Variants in RAD23B observed in about 807,000 individuals in gnomAD.
RAD23B encodes the protein lysine-specific demethylase RAD23B.
RAD23B carries 5 observed loss-of-function variants against 49.1 expected under a neutral mutation model. The ratio of observed to expected loss-of-function variants is 0.10; its 90% confidence interval spans 0.05 to 0.21. RAD23B has a LOEUF of 0.21. RAD23B is among the 10% of genes least tolerant of loss of function. The pLI, the probability that RAD23B is intolerant of heterozygous loss-of-function variation, is 1.00. For missense variants in RAD23B, 356 were observed against 486.7 expected, an observed-to-expected ratio of 0.73 and a Z score of 2.53; for synonymous variants, 184 against 165.4, an observed-to-expected ratio of 1.11 and a Z score of -0.86.
rs567705891 is a variant in RAD23B at position 107,284,805 on chromosome 9, A to G, written c.66+1110A>G. ...TTGGTGTTAAGTAGACCTGAGTTCCATTTGTGGTTTTGTAACTTATTTGCT... is the reference window on the plus strand; with the variant it reads ...TTGGTGTTAAGTAGACCTGAGTTCCGTTTGTGGTTTTGTAACTTATTTGCT... On this transcript the variant is annotated intron_variant, in intron 1 of 9. Coordinates refer to ENST00000358015, the MANE Select transcript of RAD23B (RefSeq NM_002874.5). The G allele has an allele frequency of 2.4e-4, 291 of 1,208,844 alleles. 2 individuals are homozygous for G. The South Asian group carries it at 3.6e-3, about 15-fold the overall frequency. 74.9% of individuals were successfully genotyped at this position (1,208,844 alleles called of 1,614,324 possible).
intron 1 of RAD23B, among the ~76,000 whole-genome samples, chr9:107,286,144 A>G (rs150385820): frequency 1.3e-5 from 2 of 152,338 alleles, no homozygotes; most frequent in Non-Finnish European, 2.9e-5. Context: ...CAAGGAAATT[A>G]AGTAACTTAC....
intron 1 of RAD23B, among the ~76,000 whole-genome samples, chr9:107,293,162 T>C (rs1222404015): frequency 6.6e-6 from 1 of 152,240 alleles, no homozygotes; most frequent in Admixed American, 6.5e-5. Flanking sequence ...CATGACATTG[T>C]GGCTGGCTTC....
intron 3 of RAD23B, 57 bp downstream of exon 3, chr9:107,302,171 T>C (rs979681374): frequency 3.1e-6 from 5 of 1,605,004 alleles, no homozygotes; most frequent in Non-Finnish European, 4.2e-6. Context: ...TTAAAAATGA[T>C]GATCACAAGT....
At chr9:107,325,273 C>T (rs185272889) in intron 9 of RAD23B, among the ~76,000 whole-genome samples, 26 of 136,524 alleles carry the variant, frequency 1.9e-4, no homozygotes, top group African/African-American at 7.2e-4. Context: ...GAGATTGTGC[C>T]ACTGCACTCC....
chr9:107,328,119 C>G (rs576814368), intron 9 of RAD23B, among the ~76,000 whole-genome samples: 77 of 152,268 alleles, frequency 5.1e-4, no homozygotes, highest in Admixed American at 4.0e-3. Flanking sequence ...GGATTGTACC[C>G]TTTACTTCAC....
At chr9:107,306,752 C>T (rs1490411207) in intron 4 of RAD23B, 105 bp downstream of exon 4, 17 of 1,270,036 alleles carry the variant, frequency 1.3e-5, no homozygotes, top group Admixed American at 1.0e-4. Flanking sequence ...ATATCTATTA[C>T]GTTAAGCTTT....
At chr9:107,300,940 A>G (rs1826639179) in intron 2 of RAD23B, among the ~76,000 whole-genome samples, 1 of 152,160 alleles carries the variant, frequency 6.6e-6, no homozygotes. Context: ...CATTATTTTT[A>G]TAGGTCAGAA....
chr9:107,312,633 T>C (rs1826910736), intron 5 of RAD23B, among the ~76,000 whole-genome samples: 2 of 152,190 alleles, frequency 1.3e-5, no homozygotes, highest in Admixed American at 6.5e-5. Context: ...TGAGGAGCAG[T>C]GTCCTAAAAC....
chr9:107,324,880 C>A lies in RAD23B; in HGVS notation c.992C>A (p.Pro331Gln). 1.2e-6 allele frequency: 2 copies of A among 1,612,906 alleles called. No homozygotes were observed. Among genetic ancestry groups the A allele is most frequent in the South Asian group, 2.2e-5 (2 of 90,958 alleles). Residue 331 changes from proline (P) to glutamine (Q), a missense_variant, in exon 9 of 10, where the codon CCA (proline) becomes CAA (glutamine). Pro to Gln is a moderately conservative substitution (Grantham distance 76). Coordinates refer to ENST00000358015, the MANE Select transcript of RAD23B (RefSeq NM_002874.5). Reference sequence around the variant, plus strand: ...CATTTTATTCAGATGTTAAATGAACCAGTTCAAGAAGCTGGTGGTCAAGGA... The same window carrying A: ...CATTTTATTCAGATGTTAAATGAACAAGTTCAAGAAGCTGGTGGTCAAGGA... ...QEHFIQMLNE[P>Q]VQEAGGQGGG...
intron 2 of RAD23B, among the ~76,000 whole-genome samples, chr9:107,301,358 A>T (rs1450027680): frequency 1.3e-5 from 2 of 152,180 alleles, no homozygotes; most frequent in African/African-American, 4.8e-5. Flanking sequence ...TATTTTCCAG[A>T]GGACCCCTGT....
Position 107,330,219 on chromosome 9 carries a change from G to C in RAD23B, c.*563G>C, listed in dbSNP as rs181346324. 25 of 152,674 alleles carry C rather than the reference G, an allele frequency of 1.6e-4. No homozygotes were observed. Among genetic ancestry groups the C allele is most frequent in the African/African-American group, 6.0e-4 (25 of 41,546 alleles). The allele number at this position is 152,674 out of a possible 1,614,324, so 9.5% of individuals were successfully genotyped here. On this transcript the variant is annotated 3_prime_UTR_variant, in exon 10 of 10. Transcript: ENST00000358015. This position sits in a 1 kb window ranked among gnomAD's most constrained non-coding sequence, Gnocchi z 4.4. ...CCATTCTTTCATGTTAAATACTTGG[G>C]GTGGGAGGGGAGAAAGGGAACCTTT...
intron 1 of RAD23B, among the ~76,000 whole-genome samples, chr9:107,285,100 G>A (rs768300076): frequency 2.0e-5 from 3 of 152,206 alleles, no homozygotes; most frequent in Non-Finnish European, 2.9e-5. Flanking sequence ...ATATTTATAT[G>A]TGGGTGTATG....
chr9:107,286,076 G>C (rs1208376972), intron 1 of RAD23B, among the ~76,000 whole-genome samples: 1 of 152,182 alleles, frequency 6.6e-6, no homozygotes, highest in Non-Finnish European at 1.5e-5. Flanking sequence ...ATCTTATTGA[G>C]ACCTGTTTTT....
At chr9:107,301,521 T>C (rs546868981) in intron 2 of RAD23B, among the ~76,000 whole-genome samples, 1 of 152,330 alleles carries the variant, frequency 6.6e-6, no homozygotes, top group South Asian at 2.1e-4. Flanking sequence ...TGACATCTTT[T>C]AGTCAAATGC....
intron 3 of RAD23B, among the ~76,000 whole-genome samples, chr9:107,304,813 A>G (rs1826727174): frequency 6.6e-6 from 1 of 152,178 alleles, no homozygotes; most frequent in Non-Finnish European, 1.5e-5. Flanking sequence ...CACTGAGCTT[A>G]GGAGTGCTGG....
At chr9:107,307,824 A>G (rs999269652) in intron 4 of RAD23B, among the ~76,000 whole-genome samples, 1 of 152,184 alleles carries the variant, frequency 6.6e-6, no homozygotes, top group African/African-American at 2.4e-5. Context: ...AGGCAATAGA[A>G]TATTTGCCCT....
At chr9:107,310,578 G>T (rs1826870697) in intron 4 of RAD23B, among the ~76,000 whole-genome samples, 1 of 152,088 alleles carries the variant, frequency 6.6e-6, no homozygotes. Flanking sequence ...GTGTCATAGT[G>T]GTTGTCTCTG....
At position 107,306,517 on chromosome 9, in the gene RAD23B, C is replaced by G; in HGVS notation, c.367C>G (p.Pro123Ala). Residue 123 changes from proline (P) to alanine (A), a missense_variant, in exon 4 of 10, where the codon CCT (proline) becomes GCT (alanine). Transcript: ENST00000358015. ...CCCTGCCTTGGCCCCCACTTCCACA[C>G]CTGCATCCATCACTCCAGCATCAGC... is the stretch of plus-strand genomic sequence containing the variant. ...PVPALAPTST[P>A]ASITPASATA... 1.9e-6 allele frequency: 3 copies of G among 1,614,164 alleles called. No homozygotes were observed. Among genetic ancestry groups the G allele is most frequent in the Non-Finnish European group, 2.5e-6 (3 of 1,180,032 alleles).
chr9:107,323,547 G>A (rs1827147331), intron 7 of RAD23B, among the ~76,000 whole-genome samples: 1 of 152,110 alleles, frequency 6.6e-6, no homozygotes, highest in Non-Finnish European at 1.5e-5. Context: ...TAAGCAACAG[G>A]AACAACTTTT....
Sources: allele counts gnomAD v4.1 joint callset (sites outside exome capture counted in the v4.1 genomes callset), GRCh38; gene constraint gnomAD v4.1.1; non-coding constraint Gnocchi (gnomAD v3.1); transcripts MANE v1.5; gene names NCBI Gene and HGNC (gene_info 2026-07-23, HGNC 2026-07-21).